Variants in RERE observed in about 807,000 individuals in gnomAD.
The protein encoded by RERE is arginine-glutamic acid dipeptide repeats.
In RERE, 40 loss-of-function variants were observed where a neutral mutation model predicts 146.1. The ratio of observed to expected loss-of-function variants is 0.27; its 90% confidence interval spans 0.21 to 0.36. The LOEUF is 0.36. Among genes scored for constraint, RERE ranks in the 10% least tolerant of loss-of-function variants. RERE has a pLI of 1.00. For synonymous variants in RERE, 1,003 were observed against 866.0 expected (o/e 1.16, Z -2.78); for missense variants, 1,933 against 2,138.7 (o/e 0.90, Z 1.90).
chr1:8,366,926 A>C (rs1396983121), intron 12 of RERE, among the ~76,000 whole-genome samples: 7 of 149,316 alleles, frequency 4.7e-5, no homozygotes, highest in East Asian at 3.9e-4. Flanking sequence ...CAAAAAAAAA[A>C]AACAAAAAAA....
chr1:8,603,938 C>CA lies in RERE; in HGVS notation c.522+10622dup, dbSNP rs61119278. ...TGGGTGACAAAGCGAGACCCTGTCTCAAAAAAAAAAAAAGAAAAGAAAAAA... is the reference window on the plus strand; with the variant it reads ...TGGGTGACAAAGCGAGACCCTGTCTCAAAAAAAAAAAAAAGAAAAGAAAAAA... On this transcript the variant is annotated intron_variant, in intron 4 of 22. Transcript: ENST00000400908. 1.3e-3 allele frequency among the ~76,000 whole-genome samples: 160 copies of CA among 124,920 alleles called. 2 individuals carry two copies. The highest frequency in any genetic ancestry group is 2.0e-3 in the Non-Finnish European group (121 of 61,450). 82.0% of individuals were successfully genotyped at this position (124,920 alleles called of 152,430 possible).
chr1:8,423,823 T>C lies in RERE; in HGVS notation c.1204-1016A>G. On this transcript the variant is annotated intron_variant, in intron 11 of 22. Transcript: ENST00000400908. This position sits in a 1 kb window ranked among gnomAD's most constrained non-coding sequence, Gnocchi z 5.4. ...AGAGCCCGGCGCGGCCGCGGGCGGC[T>C]GCAAAAGGCGGCCTGGATTGCCGCC... is the stretch of plus-strand genomic sequence containing the variant. 1.1e-5 allele frequency: 5 copies of C among 456,778 alleles called. No individual in the cohort carries two copies. The highest frequency in any genetic ancestry group is 1.4e-5 in the Non-Finnish European group (5 of 349,414). 28.3% of individuals were successfully genotyped at this position (456,778 alleles called of 1,614,324 possible).
At chr1:8,359,155 G>A (rs1641443521) in intron 19 of RERE, among the ~76,000 whole-genome samples, 1 of 152,210 alleles carries the variant, frequency 6.6e-6, no homozygotes, top group Non-Finnish European at 1.5e-5. Flanking sequence ...GTCCCTGTGA[G>A]ACTAAGCTCA....
intron 8 of RERE, among the ~76,000 whole-genome samples, chr1:8,506,914 T>C (rs1045408306): frequency 6.6e-6 from 1 of 151,944 alleles, no homozygotes; most frequent in African/African-American, 2.4e-5. Context: ...TAGGAGCAAA[T>C]GTGAAGGAAA....
intron 1 of RERE, among the ~76,000 whole-genome samples, chr1:8,742,804 G>A (rs1458645514): frequency 6.6e-6 from 1 of 150,870 alleles, no homozygotes; most frequent in East Asian, 1.9e-4. Context: ...GGAGGTTGAG[G>A]CTACACTGAG....
At chr1:8,737,051 T>C (rs1640216104) in intron 1 of RERE, among the ~76,000 whole-genome samples, 1 of 152,194 alleles carries the variant, frequency 6.6e-6, no homozygotes, top group Non-Finnish European at 1.5e-5. Flanking sequence ...GAAGCAGACC[T>C]TTCAGGAGAA....
chr1:8,364,957 T>G lies in RERE; in HGVS notation c.1448-119A>C. The G allele has an allele frequency of 1.4e-6, 1 of 720,846 alleles. No individual in the cohort carries two copies. Among genetic ancestry groups the G allele is most frequent in the Admixed American group, 2.1e-5 (1 of 48,698 alleles). 44.7% of individuals were successfully genotyped at this position (720,846 alleles called of 1,614,324 possible). A position where few individuals can be genotyped will look rare whatever the true frequency, so the allele number is the denominator to read the frequency against. On this transcript the variant is annotated intron_variant, in intron 13 of 22. Coordinates refer to ENST00000400908, the MANE Select transcript of RERE (RefSeq NM_001042681.2). The surrounding 1 kb of genome is among the most constrained non-coding windows in gnomAD (Gnocchi z 5.1). ...GTGACCTCTGGCCTACTGCAGGTTCTGGCCACCAGTCAGAGCGGCTGGGTG... is the reference window on the plus strand; with the variant it reads ...GTGACCTCTGGCCTACTGCAGGTTCGGGCCACCAGTCAGAGCGGCTGGGTG...
intron 1 of RERE, among the ~76,000 whole-genome samples, chr1:8,716,740 A>T (rs898699803): frequency 8.6e-5 from 13 of 151,820 alleles, no homozygotes; most frequent in South Asian, 2.1e-4. Flanking sequence ...ACCTTTTTTT[A>T]AAAAAAATTC....
intron 1 of RERE, among the ~76,000 whole-genome samples, chr1:8,739,012 A>C (rs546346056): frequency 6.0e-4 from 91 of 152,292 alleles, no homozygotes; most frequent in Middle Eastern, 3.4e-3. Context: ...TTATGATTCT[A>C]ACAGAACACT....
rs557066722 is a variant in RERE, at chr1:8,616,366, AT to A, written c.397-1681del. ...AACTTTGACAGTATCTGTTTCCCTA[AT>A]TTTTTTTTAGTACTTCTAACAGGTT... On this transcript the variant is annotated intron_variant, in intron 3 of 22. Coordinates refer to ENST00000400908, the MANE Select transcript of RERE (RefSeq NM_001042681.2). 1.6e-4 allele frequency among the ~76,000 whole-genome samples: 24 copies of A among 151,584 alleles called. 1 individual carries two copies. The highest frequency in any genetic ancestry group is 1.5e-3 in the East Asian group (8 of 5,174).
chr1:8,599,944 T>C (rs1160346936), intron 4 of RERE, among the ~76,000 whole-genome samples: 6 of 152,194 alleles, frequency 3.9e-5, no homozygotes. Context: ...ACAGTAACCA[T>C]ATTATATGGT....
At chr1:8,446,653 A>G (rs1244784145) in intron 11 of RERE, among the ~76,000 whole-genome samples, 1 of 151,984 alleles carries the variant, frequency 6.6e-6, no homozygotes, top group Non-Finnish European at 1.5e-5. Flanking sequence ...TCATAGTCCC[A>G]TATTTCTTGG....
intron 20 of RERE, among the ~76,000 whole-genome samples, chr1:8,357,700 C>A (rs578160489): frequency 1.3e-5 from 2 of 152,232 alleles, no homozygotes; most frequent in African/African-American, 2.4e-5. Context: ...CCAGGGTGGA[C>A]AGGACTGAGC....
At chr1:8,769,211 T>G (rs868239637) in intron 1 of RERE, among the ~76,000 whole-genome samples, 1 of 152,242 alleles carries the variant, frequency 6.6e-6, no homozygotes, top group East Asian at 1.9e-4. Flanking sequence ...TTTTGAGGGG[T>G]AAACTGCTGC....
chr1:8,784,097 C>T (rs748821978), intron 1 of RERE, among the ~76,000 whole-genome samples: 1 of 152,316 alleles, frequency 6.6e-6, no homozygotes, highest in East Asian at 1.9e-4. Flanking sequence ...AGGAAACTGA[C>T]ACACCACTCT....
At chr1:8,528,494 A>G (rs969827943) in intron 7 of RERE, among the ~76,000 whole-genome samples, 5 of 152,214 alleles carry the variant, frequency 3.3e-5, no homozygotes, top group Admixed American at 2.0e-4. Flanking sequence ...AATACACACT[A>G]AAGTATTCAG....
At chr1:8,399,209 C>T (rs1398526942) in intron 12 of RERE, among the ~76,000 whole-genome samples, 3 of 151,582 alleles carry the variant, frequency 2.0e-5, no homozygotes, top group African/African-American at 7.3e-5. Context: ...AAAACACAGA[C>T]TTTTTAAGTC....
At chr1:8,386,925 G>A (rs544503572) in intron 12 of RERE, among the ~76,000 whole-genome samples, 18 of 152,276 alleles carry the variant, frequency 1.2e-4, no homozygotes, top group East Asian at 7.7e-4. Flanking sequence ...TAAAGGGAAC[G>A]TACTCAAATG....
intron 12 of RERE, among the ~76,000 whole-genome samples, chr1:8,419,797 CAAGT>C (rs1432756962): frequency 1.3e-5 from 2 of 152,170 alleles, no homozygotes; most frequent in Non-Finnish European, 2.9e-5. Flanking sequence ...GGTTCCAGAG[CAAGT>C]AAGTAGCAGA....
Sources: gnomAD v4.1 joint callset for allele counts (sites outside exome capture counted in the v4.1 genomes callset) on GRCh38, gnomAD v4.1.1 for gene constraint, Gnocchi (gnomAD v3.1) non-coding constraint, MANE v1.5 for transcripts, NCBI Gene and HGNC (gene_info 2026-07-23, HGNC 2026-07-21) for gene names.